The following SYNE1 variants were observed in gnomAD, a reference collection of about 807,000 sequenced individuals.
SYNE1 encodes spectrin repeat containing nuclear envelope protein 1.
A neutral mutation model predicts 1,111.0 loss-of-function variants in SYNE1; 616 were observed. The ratio of observed to expected loss-of-function variants is 0.55; its 90% CI spans 0.52 to 0.59. SYNE1 has a LOEUF of 0.59. SYNE1 is among the 20% of genes least tolerant of loss of function. SYNE1 has a pLI of 0.00. For synonymous variants in SYNE1, 3,855 were observed against 3,825.8 expected, an observed-to-expected ratio of 1.01 and a Z score of -0.28; for missense variants, 10,006 against 10,417.0, an observed-to-expected ratio of 0.96 and a Z score of 1.72.
At chr6:152,286,427 A>T (rs1245233873) in intron 95 of SYNE1, among the ~76,000 whole-genome samples, 1 of 152,164 alleles carries the variant, frequency 6.6e-6, no homozygotes, top group Non-Finnish European at 1.5e-5. Context: ...TGATTGTGAG[A>T]GTCGTTCATT....
intron 4 of SYNE1, among the ~76,000 whole-genome samples, chr6:152,535,253 T>G (rs184548289): frequency 4.6e-4 from 70 of 152,282 alleles, no homozygotes; most frequent in African/African-American, 1.4e-3. Flanking sequence ...GATAACAAAT[T>G]TCTCATTTTA....
At chr6:152,437,103 A>G (rs1031322331) in intron 32 of SYNE1, among the ~76,000 whole-genome samples, 4 of 152,184 alleles carry the variant, frequency 2.6e-5, no homozygotes, top group Non-Finnish European at 5.9e-5. Flanking sequence ...GTGAGCAGGC[A>G]TAATGGCGCC....
chr6:152,373,332 T>C, intron 58 of SYNE1, 113 bp from the exon 59 acceptor site: 1 of 973,876 alleles, frequency 1.0e-6, no homozygotes. Context: ...CAGGCTGGAG[T>C]GCAGTAGTGC....
At chr6:152,623,022 CT>C (rs905710857) in intron 3 of SYNE1, among the ~76,000 whole-genome samples, 9 of 152,052 alleles carry the variant, frequency 5.9e-5, no homozygotes, top group African/African-American at 2.2e-4. Flanking sequence ...TGATGCTGAG[CT>C]TTTTTTCATA....
rs911413208 is a variant in SYNE1 at position 152,336,998 on chromosome 6, T to G, written c.12371A>C (p.Gln4124Pro). The change falls in exon 76 of 146, where the codon CAG becomes CCG. Residue 4124 changes from glutamine to proline, a missense_variant. Gln to Pro is a moderately conservative substitution (Grantham distance 76). Around this residue, in one of 7 missense-constraint regions of SYNE1, gnomAD observed 4,955 missense variants for 5,017.2 expected, o/e 0.99. Coordinates refer to ENST00000367255, the MANE Select transcript of SYNE1 (RefSeq NM_182961.4). ...TEQTIEQKLV[Q>P]AQNLTQGWEE... ...CCAGCCCTGAGTTAAGTTCTGGGCCTGGACAAGCTTTTGTTCAATCTTGAG... is the reference window on the plus strand; with the variant it reads ...CCAGCCCTGAGTTAAGTTCTGGGCCGGGACAAGCTTTTGTTCAATCTTGAG... The G allele has an allele frequency of 1.2e-6, 2 of 1,613,880 alleles. No individual in the cohort carries two copies. The highest frequency in any genetic ancestry group is 1.7e-5 in the Admixed American group (1 of 60,012).
intron 61 of SYNE1, 43 bp downstream of exon 61, chr6:152,368,929 G>C: frequency 3.7e-6 from 6 of 1,613,362 alleles, no homozygotes; most frequent in Non-Finnish European, 5.1e-6. Context: ...CCAATTTTGC[G>C]ACATCAGTAT....
intron 55 of SYNE1, among the ~76,000 whole-genome samples, chr6:152,382,683 A>G (rs2097443266): frequency 6.6e-6 from 1 of 152,212 alleles, no homozygotes; most frequent in Admixed American, 6.5e-5. Context: ...CTTTTTAACC[A>G]GTGCTATGTC....
At chr6:152,432,055 A>G (rs2098434978) in intron 34 of SYNE1, among the ~76,000 whole-genome samples, 1 of 152,182 alleles carries the variant, frequency 6.6e-6, no homozygotes, top group Non-Finnish European at 1.5e-5. Context: ...AAATTCATAT[A>G]TACGAATCAC....
chr6:152,310,665 T>C (rs1205475558), intron 88 of SYNE1, 23 bp downstream of exon 88: 2 of 1,611,374 alleles, frequency 1.2e-6, no homozygotes. Context: ...TTTTTTCTGT[T>C]TCTTTTTTTT....
Position 152,255,071 on chromosome 6 carries a change from T to G in SYNE1, c.19279A>C (p.Lys6427Gln), listed in dbSNP as rs2090474325. 6.2e-7 allele frequency: 1 copy of G among 1,600,794 alleles called. No individual in the cohort carries two copies. The highest frequency in any genetic ancestry group is 2.2e-5 in the East Asian group (1 of 44,620). ...TTATCCATTTCTTCAGACATTTCCTTAATGTCTTTGGCAAGAATCTAGAGG... is the reference window on the plus strand; with the variant it reads ...TTATCCATTTCTTCAGACATTTCCTGAATGTCTTTGGCAAGAATCTAGAGG... ...FNQEILAKDI[K>Q]EMSEEMDKNK... is the part of the protein sequence containing the mutation. The change falls in exon 104 of 146, where the codon AAG becomes CAG. Residue 6427 changes from lysine to glutamine, a missense_variant. Around this residue, in one of 7 missense-constraint regions of SYNE1, gnomAD observed 2,182 missense variants for 2,287.8 expected, o/e 0.95. Coordinates refer to ENST00000367255, the MANE Select transcript of SYNE1 (RefSeq NM_182961.4).
chr6:152,300,683 G>A lies in SYNE1; in HGVS notation c.17640C>T (p.Arg5880=), dbSNP rs144418713. ...CTGTATTAGCCACAGGTGAAGGGGA[G>A]CGACAGGCAGGTGGAGAGGAAATCT... ...NSEISSPPAC[R]SPSPVANTDA... Residue 5880 remains arginine (R), a synonymous_variant, in exon 93 of 146, where the codon CGC becomes CGT. Transcript: ENST00000367255. 4.1e-4 allele frequency: 661 copies of A among 1,614,210 alleles called. 1 individual carries two copies. The highest frequency in any genetic ancestry group is 1.5e-3 in the Middle Eastern group (9 of 6,060).
rs1375339297 is a variant in SYNE1 at position 152,353,363 on chromosome 6, G to A, written c.11153C>T (p.Ser3718Phe). 1 of 1,614,190 alleles carries A rather than the reference G, an allele frequency of 6.2e-7. No homozygotes were observed. Among genetic ancestry groups the A allele is most frequent in the Admixed American group, 1.7e-5 (1 of 60,030 alleles). The change falls in exon 69 of 146, where the codon TCT becomes TTT. Residue 3718 changes from serine to phenylalanine, a missense_variant. Physicochemically the swap from Ser to Phe is radical, Grantham distance 155. Coordinates refer to ENST00000367255, the MANE Select transcript of SYNE1 (RefSeq NM_182961.4). The part of the protein sequence containing the change: ...EESESSLSSY[S>F]DWYGSTHKNF... The stretch of plus-strand genomic sequence containing the variant: ...TTTATGAGTAGAGCCATACCAATCA[G>A]AATAGGAACTGAGGGATGATTCTGA...
chr6:152,560,951 T>G (rs2099393317), intron 3 of SYNE1, among the ~76,000 whole-genome samples: 1 of 152,120 alleles, frequency 6.6e-6, no homozygotes, highest in Non-Finnish European at 1.5e-5. Context: ...AGCCTACAAC[T>G]AATAGTATAG....
intron 125 of SYNE1, among the ~76,000 whole-genome samples, chr6:152,206,694 G>A (rs2076581449): frequency 6.6e-6 from 1 of 152,186 alleles, no homozygotes; most frequent in Admixed American, 6.5e-5. Flanking sequence ...AATGTGTCTT[G>A]CGAGACATGA....
At position 152,401,314 on chromosome 6, in the gene SYNE1, G is replaced by T; in HGVS notation, c.6853C>A (p.Leu2285Met). 1 of 1,613,910 alleles carries T rather than the reference G, an allele frequency of 6.2e-7. No individual in the cohort carries two copies. The highest frequency in any genetic ancestry group is 2.2e-5 in the East Asian group (1 of 44,868). Residue 2285 changes from leucine to methionine, a missense_variant, in exon 47 of 146, where the codon CTG becomes ATG. Transcript: ENST00000367255. ...TCAGTTATTTCTTTGGCATGCTCCA[G>T]TTTCTGCATTAAGTCTGCTTCTATA... is the stretch of plus-strand genomic sequence containing the variant. ...QFIEADLMQK[L>M]EHAKEITEVA... is the part of the protein sequence containing the mutation.
At chr6:152,567,934 A>G (rs1467413537) in intron 3 of SYNE1, among the ~76,000 whole-genome samples, 2 of 152,208 alleles carry the variant, frequency 1.3e-5, no homozygotes, top group African/African-American at 4.8e-5. Flanking sequence ...CACAGTCCAG[A>G]AAGAGACTTG....
rs1554441847 is a variant in SYNE1, at chr6:152,321,885, T to A, written c.15919A>T (p.Met5307Leu). 6.2e-7 allele frequency: 1 copy of A among 1,614,076 alleles called. No individual in the cohort carries two copies. The highest frequency in any genetic ancestry group is 8.5e-7 in the Non-Finnish European group (1 of 1,179,974). Residue 5307 changes from methionine (M) to leucine (L), a missense_variant and splice_region_variant, in exon 83 of 146, where the codon ATG becomes TTG. Around this residue, in one of 7 missense-constraint regions of SYNE1, gnomAD observed 4,955 missense variants for 5,017.2 expected, o/e 0.99. Coordinates refer to ENST00000367255, the MANE Select transcript of SYNE1 (RefSeq NM_182961.4). ...CCATTAGTCTTCACTTTCTCCTGCA[T>A]GCTTCAGAAACATTACAGGGATAAA... ...ITAMQDRCLN[M>L]QEKVKTNGKL...
chr6:152,446,713 A>G (rs2098595945), intron 29 of SYNE1, among the ~76,000 whole-genome samples: 1 of 152,196 alleles, frequency 6.6e-6, no homozygotes, highest in African/African-American at 2.4e-5. Context: ...TCCAAAGCAC[A>G]AACTTAGATT....
intron 30 of SYNE1, among the ~76,000 whole-genome samples, chr6:152,443,275 C>A (rs998795957): frequency 6.6e-6 from 1 of 152,036 alleles, no homozygotes; most frequent in Non-Finnish European, 1.5e-5. Context: ...TTATACTCAG[C>A]CATTTTTTAG....
Sources: gnomAD v4.1 joint callset for allele counts (sites outside exome capture counted in the v4.1 genomes callset) on GRCh38, gnomAD v4.1.1 for gene constraint, gnomAD v4.1.1 regional missense constraint, MANE v1.5 for transcripts, NCBI Gene and HGNC (gene_info 2026-07-23, HGNC 2026-07-21) for gene names.